Variants in PLCH1 observed in about 807,000 individuals in gnomAD.
PLCH1 encodes the protein phospholipase C eta 1, also known as 1-phosphatidylinositol 4,5-bisphosphate phosphodiesterase eta-1.
In PLCH1, 60 loss-of-function variants were observed where a neutral mutation model predicts 126.7. The ratio of observed to expected loss-of-function variants is 0.47; its 90% confidence interval spans 0.38 to 0.59. The LOEUF (loss-of-function observed/expected upper bound fraction) is 0.59. Ranked by LOEUF, PLCH1 falls within the 20% of genes least tolerant of loss-of-function variation. PLCH1 has a pLI of 0.00. For synonymous variants in PLCH1, 719 were observed against 734.9 expected, an observed-to-expected ratio of 0.98 and a Z score of 0.35; for missense variants, 1,723 against 2,040.0, an observed-to-expected ratio of 0.84 and a Z score of 2.99.
At chr3:155,721,979 G>A (rs1322098475) in intron 1 of PLCH1, among the ~76,000 whole-genome samples, 1 of 151,962 alleles carries the variant, frequency 6.6e-6, no homozygotes, top group African/African-American at 2.4e-5. Flanking sequence ...CCTGGGAGAT[G>A]GAGGTTGTAC....
At chr3:155,709,612 T>C (rs1296085711) in intron 1 of PLCH1, among the ~76,000 whole-genome samples, 3 of 152,170 alleles carry the variant, frequency 2.0e-5, no homozygotes, top group African/African-American at 7.2e-5. Context: ...ATTCATCCAT[T>C]CATTCATTCA....
chr3:155,478,892 G>T (rs1274703930), downstream of PLCH1, among the ~76,000 whole-genome samples: 1 of 152,088 alleles, frequency 6.6e-6, no homozygotes, highest in Non-Finnish European at 1.5e-5. Flanking sequence ...TGGGAGGGGG[G>T]TACATATGAT....
At chr3:155,520,461 A>G (rs913297201) in intron 11 of PLCH1, among the ~76,000 whole-genome samples, 1 of 152,218 alleles carries the variant, frequency 6.6e-6, no homozygotes, top group Admixed American at 6.5e-5. Flanking sequence ...CTTGGTGTTT[A>G]TGGGATCAGC....
chr3:155,735,898 G>C (rs771175826), intron 1 of PLCH1, among the ~76,000 whole-genome samples: 10 of 152,040 alleles, frequency 6.6e-5, no homozygotes, highest in Non-Finnish European at 1.3e-4. Context: ...ACTTTTCTAC[G>C]GGAGGAAAAA....
intron 1 of PLCH1, among the ~76,000 whole-genome samples, chr3:155,709,625 T>C (rs928311626): frequency 2.6e-5 from 4 of 152,190 alleles, no homozygotes; most frequent in Non-Finnish European, 4.4e-5. Flanking sequence ...TTCATTCATT[T>C]ATTTATTTTG....
At position 155,721,527 on chromosome 3, in the gene PLCH1, A is replaced by G. The variant is rs148051336; in HGVS notation, c.-40-17263T>C. Among the ~76,000 whole-genome samples the G allele has an allele frequency of 3.1e-4, 47 of 152,252 alleles. No individual in the cohort carries two copies. In the East Asian group the frequency reaches 7.9e-3, roughly 26 times the overall value. On this transcript the variant is annotated intron_variant, in intron 1 of 22. Transcript: ENST00000460012. ...TTCTCAGCTTGGTCGCTGTTCATGT[A>G]TAGCAGAGCTACTGATTTGTGTACA...
At chr3:155,564,138 C>T (rs193173911) in intron 8 of PLCH1, among the ~76,000 whole-genome samples, 2,194 of 152,244 alleles carry the variant, frequency 0.014, 20 homozygotes, top group Non-Finnish European at 0.022. Flanking sequence ...AAAAAATGTT[C>T]ATCCCTTCTA....
chr3:155,689,824 T>A (rs1457421627), intron 2 of PLCH1, among the ~76,000 whole-genome samples: 1 of 151,888 alleles, frequency 6.6e-6, no homozygotes, highest in Non-Finnish European at 1.5e-5. Flanking sequence ...TTATTGGCCT[T>A]AAAGAGGAAG....
chr3:155,541,233 G>A (rs142306437), intron 10 of PLCH1, among the ~76,000 whole-genome samples: 6 of 152,246 alleles, frequency 3.9e-5, no homozygotes, highest in Admixed American at 3.9e-4. Flanking sequence ...GGGGACTCGG[G>A]TGAAAGAGTG....
chr3:155,639,981 G>T (rs1281001618), intron 2 of PLCH1, among the ~76,000 whole-genome samples: 1 of 152,106 alleles, frequency 6.6e-6, no homozygotes, highest in African/African-American at 2.4e-5. Context: ...GCCTTCTGTC[G>T]TGATTGTAAG....
rs753711584 is a variant in PLCH1, at chr3:155,481,191, G to C, written c.4835C>G (p.Ser1612Ter). Residue 1612 changes from serine (S) to a stop codon, truncating the protein, a stop_gained, in exon 23 of 23, where the codon TCA becomes TGA. Coordinates refer to ENST00000460012, the MANE Select transcript of PLCH1 (RefSeq NM_014996.4). LOFTEE classifies it low-confidence loss of function (END_TRUNC). The surrounding 1 kb of genome is among the most constrained non-coding windows in gnomAD (Gnocchi z 4.2). ...GCGATTCACTGCAGGGGTGGGTGCT[G>C]AGGGTTTGTTTCTAAGAACCACTCC... ...GAGVVLRNKPSAPTPAVNRHS... is the reference protein window; with the variant it reads ...GAGVVLRNKP The C allele has an allele frequency of 1.2e-6, 2 of 1,614,230 alleles. No homozygotes were observed. Among genetic ancestry groups the C allele is most frequent in the Non-Finnish European group, 1.7e-6 (2 of 1,180,040 alleles).
At chr3:155,741,920 A>C (rs1350273368) in intron 1 of PLCH1, among the ~76,000 whole-genome samples, 2 of 152,108 alleles carry the variant, frequency 1.3e-5, no homozygotes, top group African/African-American at 4.8e-5. Flanking sequence ...TTTAGAGTAG[A>C]GTTTGTACTT....
downstream of PLCH1, among the ~76,000 whole-genome samples, chr3:155,476,681 CTATTTACA>C (rs1713560345): frequency 6.6e-6 from 1 of 151,676 alleles, no homozygotes; most frequent in Non-Finnish European, 1.5e-5. Flanking sequence ...TAAAGTAATC[CTATTTACA>C]ATAGCCACAT....
At chr3:155,591,268 A>G (rs1732129943) in intron 4 of PLCH1, among the ~76,000 whole-genome samples, 1 of 152,036 alleles carries the variant, frequency 6.6e-6, no homozygotes, top group Non-Finnish European at 1.5e-5. Context: ...CACAACCTTG[A>G]TTTTGTTCAG....
At chr3:155,584,932 G>C (rs1403947545) in intron 5 of PLCH1, among the ~76,000 whole-genome samples, 1 of 152,132 alleles carries the variant, frequency 6.6e-6, no homozygotes, top group Non-Finnish European at 1.5e-5. Flanking sequence ...GAACAGACAG[G>C]AGGTGGGGCT....
chr3:155,619,918 C>A (rs1736251367), intron 2 of PLCH1, among the ~76,000 whole-genome samples: 1 of 152,050 alleles, frequency 6.6e-6, no homozygotes, highest in Non-Finnish European at 1.5e-5. Context: ...GGGAGAATCC[C>A]CTCAGGTTTA....
At chr3:155,676,128 G>A (rs368745994) in intron 2 of PLCH1, 3 of 1,388,910 alleles carry the variant, frequency 2.2e-6, no homozygotes, top group Non-Finnish European at 2.8e-6. Context: ...TTTCCAAAAA[G>A]GGTGGGGGGA....
intron 4 of PLCH1, among the ~76,000 whole-genome samples, chr3:155,591,387 T>TGG (rs1732150058): frequency 1.3e-5 from 2 of 152,190 alleles, no homozygotes; most frequent in Non-Finnish European, 2.9e-5. Flanking sequence ...GAGGTCCCCA[T>TGG]AAACATGAGG....
intron 21 of PLCH1, among the ~76,000 whole-genome samples, chr3:155,463,417 T>A (rs547201234): frequency 6.6e-6 from 1 of 152,262 alleles, no homozygotes; most frequent in South Asian, 2.1e-4. Context: ...CCCAGCTGAG[T>A]ACCTAGCCCA....
Sources: allele counts gnomAD v4.1 joint callset (sites outside exome capture counted in the v4.1 genomes callset), GRCh38; gene constraint gnomAD v4.1.1; non-coding constraint Gnocchi (gnomAD v3.1); transcripts MANE v1.5; gene names NCBI Gene and HGNC (gene_info 2026-07-23, HGNC 2026-07-21).